TSHZ2: variants seen among roughly 807,000 people sequenced by gnomAD.
The protein encoded by TSHZ2 is teashirt homolog 2.
TSHZ2 carries 21 observed loss-of-function variants against 74.4 expected under a neutral mutation model. The ratio of observed to expected loss-of-function variants is 0.28; its 90% CI spans 0.20 to 0.41. TSHZ2 has a LOEUF of 0.41. Ranked by LOEUF, TSHZ2 falls within the 10% of genes least tolerant of loss-of-function variation. The pLI is 1.00. For synonymous variants in TSHZ2, 540 were observed against 515.3 expected, an observed-to-expected ratio of 1.05 and a Z score of -0.65; for missense variants, 1,244 against 1,293.5, an observed-to-expected ratio of 0.96 and a Z score of 0.59.
At chr20:53,474,843 G>A (rs1413192041) in intron 2 of TSHZ2, among the ~76,000 whole-genome samples, 1 of 143,306 alleles carries the variant, frequency 7.0e-6, no homozygotes, top group Non-Finnish European at 1.5e-5. Flanking sequence ...ACAAAAAAAG[G>A]CAGGGGTTGC....
At chr20:53,051,944 A>G (rs1339707662) in intron 1 of TSHZ2, among the ~76,000 whole-genome samples, 5 of 152,010 alleles carry the variant, frequency 3.3e-5, no homozygotes, top group African/African-American at 1.2e-4. Context: ...TATGCCCATT[A>G]CCTTTTGGAA....
rs1230863059 is a variant in TSHZ2 at position 53,230,833 on chromosome 20, A to G, written c.41-22666A>G. Among the ~76,000 whole-genome samples the G allele has an allele frequency of 7.9e-5, 12 of 151,760 alleles. No individual in the cohort carries two copies. In the East Asian group the frequency reaches 2.1e-3, roughly 27 times the overall value. Reference sequence around the variant, plus strand: ...CTTGAACCTGGGAAGCAGAGGTTGCAGTGAGCCGAGATCACACCACTGCAC... The same window carrying G: ...CTTGAACCTGGGAAGCAGAGGTTGCGGTGAGCCGAGATCACACCACTGCAC... On this transcript the variant is annotated intron_variant, in intron 1 of 2. Transcript: ENST00000371497.
chr20:53,246,277 A>G (rs1990201784), intron 1 of TSHZ2, among the ~76,000 whole-genome samples: 1 of 151,946 alleles, frequency 6.6e-6, no homozygotes, highest in Non-Finnish European at 1.5e-5. Context: ...TCCTGACCTC[A>G]TGTGATCTGC....
At chr20:53,217,988 G>C (rs1989474248) in intron 1 of TSHZ2, among the ~76,000 whole-genome samples, 1 of 152,184 alleles carries the variant, frequency 6.6e-6, no homozygotes, top group African/African-American at 2.4e-5. Flanking sequence ...GAACAATACA[G>C]ACAAGTATTT....
chr20:53,182,204 T>C lies in TSHZ2; in HGVS notation c.41-71295T>C, dbSNP rs1600728009. 2.7e-5 allele frequency among the ~76,000 whole-genome samples: 4 copies of C among 150,142 alleles called. 1 individual carries two copies. The highest frequency in any genetic ancestry group is 9.8e-5 in the African/African-American group (4 of 40,990). On this transcript the variant is annotated intron_variant, in intron 1 of 2. Coordinates refer to ENST00000371497, the MANE Select transcript of TSHZ2 (RefSeq NM_173485.6). Reference sequence around the variant, plus strand: ...TTCCTTTTCTTTCTTTCTTCTTCTCTTCCTCACTCCCTCCTTCCCTCTTGA... The same window carrying C: ...TTCCTTTTCTTTCTTTCTTCTTCTCCTCCTCACTCCCTCCTTCCCTCTTGA...
chr20:53,334,871 A>G (rs577316793), intron 2 of TSHZ2, among the ~76,000 whole-genome samples: 21 of 151,994 alleles, frequency 1.4e-4, no homozygotes, highest in Non-Finnish European at 2.4e-4. Flanking sequence ...TTTAGTAGAG[A>G]CTGGGTTTCA....
In TSHZ2 at chr20:53,076,126, G is replaced by T. The variant is rs79008958; in HGVS notation, c.40+102793G>T. 3.9e-4 allele frequency among the ~76,000 whole-genome samples: 60 copies of T among 152,280 alleles called. No individual in the cohort carries two copies. The East Asian group carries it at 8.7e-3, about 22-fold the overall frequency. Reference sequence around the variant, plus strand: ...TTACTGAGCAAAGGAATAACACAAAGAATTTTTTGAAGGATTAATCTGGCA... The same window carrying T: ...TTACTGAGCAAAGGAATAACACAAATAATTTTTTGAAGGATTAATCTGGCA... On this transcript the variant is annotated intron_variant, in intron 1 of 2. Coordinates refer to ENST00000371497, the MANE Select transcript of TSHZ2 (RefSeq NM_173485.6).
At chr20:53,097,332 CCTG>C (rs1986083928) in intron 1 of TSHZ2, among the ~76,000 whole-genome samples, 1 of 152,168 alleles carries the variant, frequency 6.6e-6, no homozygotes, top group South Asian at 2.1e-4. Flanking sequence ...TACTTCCCAA[CCTG>C]CTTAAGAAAA....
At chr20:53,212,638 T>C (rs1218630750) in intron 1 of TSHZ2, among the ~76,000 whole-genome samples, 3 of 152,256 alleles carry the variant, frequency 2.0e-5, no homozygotes, top group African/African-American at 7.2e-5. Flanking sequence ...CTTCATTGGG[T>C]CTTCTAACTG....
chr20:53,461,222 G>C (rs868775662), intron 2 of TSHZ2, among the ~76,000 whole-genome samples: 1 of 151,794 alleles, frequency 6.6e-6, no homozygotes, highest in African/African-American at 2.4e-5. Flanking sequence ...CTCCGAGCCA[G>C]GTGCGGGATA....
At chr20:53,460,760 T>C (rs1985327732) in intron 2 of TSHZ2, among the ~76,000 whole-genome samples, 1 of 152,200 alleles carries the variant, frequency 6.6e-6, no homozygotes, top group South Asian at 2.1e-4. Context: ...TAGTTTTCCT[T>C]CTAACAGACA....
intron 2 of TSHZ2, among the ~76,000 whole-genome samples, chr20:53,263,633 A>G (rs2123743873): frequency 6.6e-6 from 1 of 152,280 alleles, no homozygotes; most frequent in South Asian, 2.1e-4. Flanking sequence ...TTCAAGCCAA[A>G]CAAAGTACAT....
At chr20:53,277,712 C>T (rs1248491904) in intron 2 of TSHZ2, among the ~76,000 whole-genome samples, 2 of 152,134 alleles carry the variant, frequency 1.3e-5, no homozygotes, top group Non-Finnish European at 2.9e-5. Flanking sequence ...AAAATATGGA[C>T]ATTTGGTTTA....
intron 1 of TSHZ2, among the ~76,000 whole-genome samples, chr20:53,016,480 T>A (rs1983043490): frequency 6.6e-6 from 1 of 152,216 alleles, no homozygotes; most frequent in South Asian, 2.1e-4. Context: ...GCAATTAAAG[T>A]GAACAGAGCC....
intron 1 of TSHZ2, among the ~76,000 whole-genome samples, chr20:53,149,425 T>TA (rs1356607978): frequency 6.6e-6 from 1 of 152,054 alleles, no homozygotes; most frequent in Non-Finnish European, 1.5e-5. Flanking sequence ...AACGATAGGC[T>TA]AAAAGAAAGA....
At chr20:53,407,617 T>C (rs575973633) in intron 2 of TSHZ2, among the ~76,000 whole-genome samples, 5 of 152,312 alleles carry the variant, frequency 3.3e-5, no homozygotes, top group African/African-American at 1.2e-4. Context: ...TCTCCACATA[T>C]AAAGTCAGGC....
chr20:53,220,489 A>AT (rs1051239068), intron 1 of TSHZ2, among the ~76,000 whole-genome samples: 69 of 152,258 alleles, frequency 4.5e-4, no homozygotes, highest in African/African-American at 1.6e-3. Context: ...TTTTTCTCCC[A>AT]TGTCAGGGTT....
chr20:53,022,392 C>T (rs541662042), intron 1 of TSHZ2, among the ~76,000 whole-genome samples: 2 of 152,124 alleles, frequency 1.3e-5, no homozygotes, highest in South Asian at 2.1e-4. Flanking sequence ...ACAGTGTCAA[C>T]GTGCAGTAAA....
chr20:53,380,550 C>T (rs931956746), intron 2 of TSHZ2, among the ~76,000 whole-genome samples: 2 of 152,142 alleles, frequency 1.3e-5, no homozygotes, highest in Non-Finnish European at 2.9e-5. Flanking sequence ...CTCTTTCTAA[C>T]ACACAATGCA....
Sources: allele counts gnomAD v4.1 joint callset (sites outside exome capture counted in the v4.1 genomes callset), GRCh38; gene constraint gnomAD v4.1.1; transcripts MANE v1.5; gene names NCBI Gene and HGNC (gene_info 2026-07-23, HGNC 2026-07-21).